Variants in SPMAP2L observed in about 807,000 individuals in gnomAD.
SPMAP2L encodes sperm microtubule associated protein 2 like, also known as sperm microtubule associated protein 2-like.
At chr4:56,611,034 G>GTGA in the SPMAP2L span, among the ~76,000 whole-genome samples, 1 of 152,176 alleles carries the variant, frequency 6.6e-6, no homozygotes, top group African/African-American at 2.4e-5. Context: ...AAACAGTGTG[G>GTGA]AGATCCCTTA....
At chr4:56,595,178 C>T in the SPMAP2L span, 3 of 1,611,540 alleles carry the variant, frequency 1.9e-6, no homozygotes, top group South Asian at 3.3e-5. Context: ...AACTACATGG[C>T]CAAGCGATTA....
At chr4:56,552,573 A>G in the SPMAP2L span, 1 of 1,527,144 alleles carries the variant, frequency 6.5e-7, no homozygotes, top group Admixed American at 2.0e-5. Context: ...AGAGAACCCC[A>G]AATCTTTCAA....
the SPMAP2L span, among the ~76,000 whole-genome samples, chr4:56,544,782 G>T: frequency 6.6e-6 from 1 of 152,176 alleles, no homozygotes; most frequent in Admixed American, 6.5e-5. Flanking sequence ...GCCCGAGGGC[G>T]GGAGGGAGAC....
chr4:56,567,450 T>C, the SPMAP2L span, among the ~76,000 whole-genome samples: 3 of 114,748 alleles, frequency 2.6e-5, no homozygotes, highest in Admixed American at 8.4e-5. Context: ...TGGTTTTTTT[T>C]TTTTTTTTTT....
chr4:56,560,124 A>T, the SPMAP2L span, among the ~76,000 whole-genome samples: 3 of 152,226 alleles, frequency 2.0e-5, no homozygotes, highest in Non-Finnish European at 4.4e-5. Flanking sequence ...AATTAGGAAG[A>T]CATCTCTTCA....
chr4:56,618,489 T>TA, the SPMAP2L span, among the ~76,000 whole-genome samples: 1 of 152,130 alleles, frequency 6.6e-6, no homozygotes, highest in Non-Finnish European at 1.5e-5. Flanking sequence ...TCAGGAAACT[T>TA]ACAATCATGG....
At chr4:56,530,631 C>G in the SPMAP2L span, 1 of 1,509,592 alleles carries the variant, frequency 6.6e-7, no homozygotes, top group South Asian at 1.2e-5. Flanking sequence ...CCTGGGCAAC[C>G]AGTCGGGAGG....
At chr4:56,579,981 A>G in the SPMAP2L span, among the ~76,000 whole-genome samples, 1 of 152,200 alleles carries the variant, frequency 6.6e-6, no homozygotes, top group Non-Finnish European at 1.5e-5. Context: ...AGATGGCTTT[A>G]TTAGTGAATT....
At chr4:56,559,520 G>A in the SPMAP2L span, 2 of 1,501,706 alleles carry the variant, frequency 1.3e-6, no homozygotes, top group Non-Finnish European at 1.8e-6. Flanking sequence ...GTACCTAACA[G>A]GTTAGTGTCT....
chr4:56,572,676 A>G, the SPMAP2L span, among the ~76,000 whole-genome samples: 1 of 152,114 alleles, frequency 6.6e-6, no homozygotes, highest in African/African-American at 2.4e-5. Flanking sequence ...TATACTGAAT[A>G]TTTGTCTCTT....
chr4:56,621,901 T>C, the SPMAP2L span, among the ~76,000 whole-genome samples: 3 of 152,166 alleles, frequency 2.0e-5, no homozygotes, highest in African/African-American at 7.2e-5. Flanking sequence ...CTGTGTGATA[T>C]TGTAATGGTA....
the SPMAP2L span, chr4:56,559,467 A>G: frequency 3.9e-6 from 6 of 1,533,046 alleles, no homozygotes; most frequent in South Asian, 6.0e-5. Flanking sequence ...TGACCAAAAG[A>G]CTTGAGAACC....
the SPMAP2L span, among the ~76,000 whole-genome samples, chr4:56,596,234 TTAG>T: frequency 1.8e-4 from 28 of 152,144 alleles, no homozygotes; most frequent in African/African-American, 6.8e-4. Flanking sequence ...TCTGCATTTA[TTAG>T]TATTCTAATA....
the SPMAP2L span, among the ~76,000 whole-genome samples, chr4:56,533,997 C>T: frequency 3.9e-5 from 6 of 152,012 alleles, no homozygotes; most frequent in Non-Finnish European, 5.9e-5. Context: ...ACAACAACAA[C>T]GACAACAGCA....
At chr4:56,551,267 C>A in the SPMAP2L span, among the ~76,000 whole-genome samples, 1 of 152,300 alleles carries the variant, frequency 6.6e-6, no homozygotes, top group Non-Finnish European at 1.5e-5. Flanking sequence ...TTCTCCTGGC[C>A]TCTTGCCTCA....
chr4:56,554,666 T>C, the SPMAP2L span, among the ~76,000 whole-genome samples: 2 of 152,292 alleles, frequency 1.3e-5, no homozygotes, highest in African/African-American at 4.8e-5. Flanking sequence ...TTAATTTTTA[T>C]GAAGTTCAAT....
chr4:56,561,419 A>G, the SPMAP2L span, among the ~76,000 whole-genome samples: 1 of 152,232 alleles, frequency 6.6e-6, no homozygotes, highest in African/African-American at 2.4e-5. Context: ...ACAGAGAAGT[A>G]TAAGAAGCAT....
chr4:56,594,382 A>C, the SPMAP2L span: 1 of 1,578,666 alleles, frequency 6.3e-7, no homozygotes, highest in Non-Finnish European at 8.7e-7. Context: ...CATGGAAAGA[A>C]TTTGCAAACA....
chr4:56,532,078 G>A, the SPMAP2L span, among the ~76,000 whole-genome samples: 659 of 152,226 alleles, frequency 4.3e-3, 8 homozygotes, highest in African/African-American at 0.015. Context: ...CATACTGTCT[G>A]GTTTATTTCA....
Sources: gnomAD v4.1 joint callset for allele counts (sites outside exome capture counted in the v4.1 genomes callset) on GRCh38, gnomAD v4.1.1 for gene constraint, MANE v1.5 for transcripts, NCBI Gene and HGNC (gene_info 2026-07-23, HGNC 2026-07-21) for gene names.